ATP8A1: variants seen among roughly 807,000 people sequenced by gnomAD.
ATP8A1 encodes ATPase phospholipid transporting 8A1, also known as phospholipid-transporting ATPase IA.
Under a neutral mutation model 177.7 loss-of-function variants are expected in ATP8A1, and 90 were observed. The observed-to-expected ratio is 0.51, with a 90% CI of 0.43 to 0.60. The LOEUF is 0.60. Ranked by LOEUF, ATP8A1 falls within the 20% of genes least tolerant of loss-of-function variation. The pLI is 0.00. For synonymous variants in ATP8A1, 493 were observed against 485.9 expected, an observed-to-expected ratio of 1.01 and a Z score of -0.19; for missense variants, 1,072 against 1,392.8, an observed-to-expected ratio of 0.77 and a Z score of 3.67.
At chr4:42,589,642 A>T (rs1420728549) in intron 7 of ATP8A1, among the ~76,000 whole-genome samples, 1 of 152,210 alleles carries the variant, frequency 6.6e-6, no homozygotes, top group Non-Finnish European at 1.5e-5. Flanking sequence ...TCTATAACTT[A>T]TTCAAAATTT....
At chr4:42,638,190 T>C (rs766407715) in intron 1 of ATP8A1, among the ~76,000 whole-genome samples, 10 of 152,202 alleles carry the variant, frequency 6.6e-5, no homozygotes, top group Non-Finnish European at 1.5e-4. Flanking sequence ...ACCACTAATA[T>C]ATTTTGTCAT....
Position 42,412,876 on chromosome 4 carries a change from C to T in ATP8A1, c.*40G>A, listed in dbSNP as rs1712778538. 6.3e-7 allele frequency: 1 copy of T among 1,578,390 alleles called. No homozygotes were observed. The highest frequency in any genetic ancestry group is 1.7e-5 in the Admixed American group (1 of 59,742). On this transcript the variant is annotated 3_prime_UTR_variant, in exon 37 of 37. Transcript: ENST00000381668. ...CTGCGGTGACAACCTGGTAGCTCTC[C>T]TTAGAGAGGTAACAGAGCCTGCCTT...
intron 24 of ATP8A1, among the ~76,000 whole-genome samples, chr4:42,486,150 C>T (rs1722180509): frequency 6.6e-6 from 1 of 152,194 alleles, no homozygotes; most frequent in South Asian, 2.1e-4. Context: ...GTTCACCCCA[C>T]CGCTGTGTCC....
At chr4:42,610,287 T>A (rs1381775857) in intron 5 of ATP8A1, among the ~76,000 whole-genome samples, 1 of 152,088 alleles carries the variant, frequency 6.6e-6, no homozygotes, top group Non-Finnish European at 1.5e-5. Flanking sequence ...ACAAGAAAGA[T>A]GTTCAATAAA....
intron 24 of ATP8A1, among the ~76,000 whole-genome samples, chr4:42,490,757 T>G (rs1236392017): frequency 1.3e-5 from 2 of 152,170 alleles, no homozygotes; most frequent in East Asian, 3.8e-4. Context: ...AATGAACAAA[T>G]AAACCAAGAC....
intron 15 of ATP8A1, among the ~76,000 whole-genome samples, chr4:42,563,512 T>C (rs1187669955): frequency 2.0e-5 from 3 of 152,234 alleles, no homozygotes; most frequent in Non-Finnish European, 4.4e-5. Flanking sequence ...GAAATTTGCA[T>C]AAGTAACGAG....
intron 6 of ATP8A1, among the ~76,000 whole-genome samples, chr4:42,596,666 CAA>C (rs71648737): frequency 4.1e-5 from 3 of 74,012 alleles, no homozygotes; most frequent in Admixed American, 1.5e-4. Context: ...GACTCCATCT[CAA>C]AAAAAAAAAA....
At chr4:42,549,128 C>A in intron 18 of ATP8A1, 66 bp from the exon 19 acceptor site, 1 of 1,333,558 alleles carries the variant, frequency 7.5e-7, no homozygotes, top group Non-Finnish European at 1.1e-6. Flanking sequence ...GGAAATAAAT[C>A]CTAGCCATAA....
chr4:42,490,231 C>G (rs907381370), intron 24 of ATP8A1, among the ~76,000 whole-genome samples: 1 of 152,190 alleles, frequency 6.6e-6, no homozygotes, highest in African/African-American at 2.4e-5. Flanking sequence ...AAGCCCTTAG[C>G]CTGAACCTCC....
intron 4 of ATP8A1, among the ~76,000 whole-genome samples, chr4:42,619,831 T>C (rs1005675460): frequency 3.9e-5 from 6 of 152,116 alleles, no homozygotes; most frequent in Admixed American, 3.3e-4. Context: ...AGTTCTAATA[T>C]TGAGCTATAA....
At chr4:42,443,283 T>C (rs1716831000) in intron 33 of ATP8A1, among the ~76,000 whole-genome samples, 2 of 152,236 alleles carry the variant, frequency 1.3e-5, no homozygotes, top group African/African-American at 4.8e-5. Context: ...GCATCTTCTA[T>C]ATGGATATTC....
intron 22 of ATP8A1, among the ~76,000 whole-genome samples, chr4:42,508,072 A>G (rs911684627): frequency 1.3e-5 from 2 of 152,178 alleles, no homozygotes; most frequent in African/African-American, 4.8e-5. Flanking sequence ...CTCATTAGAT[A>G]TTGTCTTGTA....
At chr4:42,430,984 A>G (rs1015880299) in intron 33 of ATP8A1, among the ~76,000 whole-genome samples, 1 of 152,008 alleles carries the variant, frequency 6.6e-6, no homozygotes, top group Non-Finnish European at 1.5e-5. Flanking sequence ...AGTCCTCCAG[A>G]GCATTTAACA....
At chr4:42,543,834 T>C in intron 20 of ATP8A1, 83 bp downstream of exon 20, 1 of 972,400 alleles carries the variant, frequency 1.0e-6, no homozygotes, top group Non-Finnish European at 1.5e-6. Flanking sequence ...TAAACATCTG[T>C]GTTACATTTC....
intron 1 of ATP8A1, among the ~76,000 whole-genome samples, chr4:42,649,553 A>G (rs1740878811): frequency 6.6e-6 from 1 of 152,190 alleles, no homozygotes; most frequent in Non-Finnish European, 1.5e-5. Context: ...TTTCTGAAGC[A>G]TGAGTTTTTC....
At chr4:42,641,347 T>A (rs1205035593) in intron 1 of ATP8A1, among the ~76,000 whole-genome samples, 1 of 152,100 alleles carries the variant, frequency 6.6e-6, no homozygotes, top group African/African-American at 2.4e-5. Flanking sequence ...AAATCTGAGG[T>A]GTCTGAGAAT....
At chr4:42,648,691 AC>A (rs1740792565) in intron 1 of ATP8A1, among the ~76,000 whole-genome samples, 1 of 152,174 alleles carries the variant, frequency 6.6e-6, no homozygotes, top group African/African-American at 2.4e-5. Flanking sequence ...TAATTTACAT[AC>A]ATGTTAAAGC....
intron 33 of ATP8A1, among the ~76,000 whole-genome samples, chr4:42,441,864 G>A (rs1716683765): frequency 6.6e-6 from 1 of 152,186 alleles, no homozygotes; most frequent in African/African-American, 2.4e-5. Context: ...AGTAGCAGTA[G>A]TAATAAAACA....
At chr4:42,517,452 CT>C (rs1328475961) in intron 22 of ATP8A1, among the ~76,000 whole-genome samples, 1 of 152,140 alleles carries the variant, frequency 6.6e-6, no homozygotes, top group African/African-American at 2.4e-5. Context: ...AATGAGACCA[CT>C]GTAAATTCTC....
Sources: allele counts gnomAD v4.1 joint callset (sites outside exome capture counted in the v4.1 genomes callset), GRCh38; gene constraint gnomAD v4.1.1; transcripts MANE v1.5; gene names NCBI Gene and HGNC (gene_info 2026-07-23, HGNC 2026-07-21).